The following CFAP95 variants were observed in gnomAD, a reference collection of about 807,000 sequenced individuals.
CFAP95 encodes the protein cilia- and flagella-associated protein 95.
At chr9:69,857,536 G>GT in the CFAP95 span, among the ~76,000 whole-genome samples, 2 of 152,106 alleles carry the variant, frequency 1.3e-5, no homozygotes, top group Non-Finnish European at 2.9e-5. Context: ...GTTTTGTTTT[G>GT]TTTTTTGACC....
the CFAP95 span, among the ~76,000 whole-genome samples, chr9:69,880,921 C>T: frequency 6.6e-6 from 1 of 152,184 alleles, no homozygotes; most frequent in African/African-American, 2.4e-5. Context: ...TGATGTTGAG[C>T]ACCTTTTCAT....
At chr9:69,867,249 A>G in the CFAP95 span, among the ~76,000 whole-genome samples, 15 of 152,330 alleles carry the variant, frequency 9.8e-5, no homozygotes, top group Non-Finnish European at 7.3e-5. Flanking sequence ...TAATTTGATA[A>G]GAAAATATAT....
the CFAP95 span, among the ~76,000 whole-genome samples, chr9:69,903,997 T>C: frequency 3.3e-5 from 5 of 152,234 alleles, no homozygotes; most frequent in African/African-American, 1.2e-4. Flanking sequence ...GTGTTGGGAT[T>C]ACAGGAGTGA....
chr9:69,886,102 A>G, the CFAP95 span, among the ~76,000 whole-genome samples: 1 of 152,164 alleles, frequency 6.6e-6, no homozygotes, highest in African/African-American at 2.4e-5. Flanking sequence ...CCCTTTGTCC[A>G]GTGTCTCCAC....
chr9:69,827,062 A>G, the CFAP95 span, among the ~76,000 whole-genome samples: 1 of 152,342 alleles, frequency 6.6e-6, no homozygotes, highest in African/African-American at 2.4e-5. Context: ...TACTTCTGTT[A>G]CAATAGTAAA....
At chr9:69,865,746 C>T in the CFAP95 span, among the ~76,000 whole-genome samples, 1 of 152,156 alleles carries the variant, frequency 6.6e-6, no homozygotes, top group Non-Finnish European at 1.5e-5. Context: ...TGACATTCTT[C>T]TTATACAAGC....
the CFAP95 span, among the ~76,000 whole-genome samples, chr9:69,827,281 G>T: frequency 6.6e-6 from 1 of 152,090 alleles, no homozygotes; most frequent in South Asian, 2.1e-4. Context: ...GTAATAGTAG[G>T]CTAAGAACAT....
the CFAP95 span, among the ~76,000 whole-genome samples, chr9:69,894,972 C>T: frequency 7.2e-6 from 1 of 139,406 alleles, no homozygotes; most frequent in Non-Finnish European, 1.5e-5. Context: ...ACCTGGGTGA[C>T]AGAGTGAGAC....
the CFAP95 span, among the ~76,000 whole-genome samples, chr9:69,874,393 T>G: frequency 6.6e-6 from 1 of 152,122 alleles, no homozygotes; most frequent in African/African-American, 2.4e-5. Flanking sequence ...CAAGGGGAGT[T>G]GGTTACGTGA....
chr9:69,906,083 G>C, the CFAP95 span: 1 of 1,612,902 alleles, frequency 6.2e-7, no homozygotes, highest in Non-Finnish European at 8.5e-7. Flanking sequence ...TGCTAATTCA[G>C]ATGTAAAACA....
the CFAP95 span, among the ~76,000 whole-genome samples, chr9:69,837,973 A>G: frequency 9.9e-5 from 15 of 151,162 alleles, no homozygotes; most frequent in African/African-American, 3.2e-4. Context: ...TCCCAGCACC[A>G]TTTATTAAAC....
chr9:69,850,024 A>G, the CFAP95 span, among the ~76,000 whole-genome samples: 1 of 152,166 alleles, frequency 6.6e-6, no homozygotes, highest in Admixed American at 6.5e-5. Context: ...GATCCTCACA[A>G]CACTACCAAA....
the CFAP95 span, among the ~76,000 whole-genome samples, chr9:69,845,372 G>A: frequency 3.9e-5 from 6 of 152,116 alleles, no homozygotes; most frequent in Non-Finnish European, 7.4e-5. Context: ...GGATGGCCTC[G>A]GGGCATGAAG....
the CFAP95 span, chr9:69,905,977 TTCCATAG>T: frequency 6.2e-7 from 1 of 1,609,542 alleles, no homozygotes; most frequent in Non-Finnish European, 8.5e-7. Context: ...AAGATGATTA[TTCCATAG>T]TCCACAGAAA....
the CFAP95 span, among the ~76,000 whole-genome samples, chr9:69,842,816 C>T: frequency 1.3e-5 from 2 of 152,170 alleles, no homozygotes; most frequent in Non-Finnish European, 2.9e-5. Context: ...CACTTTGATG[C>T]TCAGATGTGA....
the CFAP95 span, chr9:69,905,963 T>C: frequency 2.5e-6 from 4 of 1,603,816 alleles, no homozygotes; most frequent in Non-Finnish European, 3.4e-6. Context: ...GGCTTATCCC[T>C]GTCAAGATGA....
the CFAP95 span, among the ~76,000 whole-genome samples, chr9:69,849,277 G>A: frequency 1.1e-3 from 162 of 151,946 alleles, no homozygotes; most frequent in Middle Eastern, 6.8e-3. Context: ...TGCTCAATAA[G>A]TATTTGTGGA....
At chr9:69,842,078 G>A in the CFAP95 span, among the ~76,000 whole-genome samples, 3 of 152,190 alleles carry the variant, frequency 2.0e-5, no homozygotes, top group African/African-American at 7.2e-5. Flanking sequence ...CCAGAGTGCT[G>A]GAGAGATGAA....
the CFAP95 span, among the ~76,000 whole-genome samples, chr9:69,855,435 T>A: frequency 6.6e-6 from 1 of 152,244 alleles, no homozygotes; most frequent in East Asian, 1.9e-4. Flanking sequence ...GGCTACTAAT[T>A]TTTTCTCAAA....
Sources: gnomAD v4.1 joint callset for allele counts (sites outside exome capture counted in the v4.1 genomes callset) on GRCh38, gnomAD v4.1.1 for gene constraint, MANE v1.5 for transcripts, NCBI Gene and HGNC (gene_info 2026-07-23, HGNC 2026-07-21) for gene names.